The following HES7 variants were observed in gnomAD, a reference collection of about 807,000 sequenced individuals.
HES7 encodes the protein transcription factor HES-7.
In HES7, 8 loss-of-function variants were observed where a neutral mutation model predicts 18.0. The observed-to-expected ratio is 0.45, with a 90% CI of 0.26 to 0.80. HES7 has a LOEUF of 0.80. HES7 is among the 30% of genes least tolerant of loss of function. HES7 has a pLI of 0.18. For synonymous variants in HES7, 170 were observed against 158.6 expected (o/e 1.07, Z -0.54); for missense variants, 356 against 340.9 (o/e 1.04, Z -0.35).
rs776060105 is a variant in HES7 at position 8,124,027 on chromosome 17, C to G, written c.42+16G>C. ...CCAAACCAGGGACCTCTGCTCCCTC[C>G]CCTCCCGCCTCTCACCTTGGGGCCG... On this transcript the variant is annotated intron_variant, in intron 1 of 3. Transcript: ENST00000541682. 1 of 1,613,784 alleles carries G rather than the reference C, an allele frequency of 6.2e-7. No homozygotes were observed. The highest frequency in any genetic ancestry group is 8.5e-7 in the Non-Finnish European group (1 of 1,179,974).
rs1981312372 is a variant in HES7 at position 8,121,454 on chromosome 17, C to G, written c.*117G>C. 3 of 808,834 alleles carry G rather than the reference C, an allele frequency of 3.7e-6. No homozygotes were observed. Among genetic ancestry groups the G allele is most frequent in the African/African-American group, 3.6e-5 (2 of 55,798 alleles). The allele number at this position is 808,834 out of a possible 1,614,324, so 50.1% of individuals were successfully genotyped here. On this transcript the variant is annotated 3_prime_UTR_variant, in exon 4 of 4. Transcript: ENST00000541682. Reference sequence around the variant, plus strand: ...CCACATCTCACCCGCGCGCTGAGCCCGCGCGCCCCACTGCCCTCCCCAACA... The same window carrying G: ...CCACATCTCACCCGCGCGCTGAGCCGGCGCGCCCCACTGCCCTCCCCAACA...
chr17:8,123,262 C>G lies in HES7; in HGVS notation c.43-136G>C, dbSNP rs1455052592. The G allele has an allele frequency of 2.9e-6, 2 of 685,644 alleles. No homozygotes were observed. The highest frequency in any genetic ancestry group is 3.6e-5 in the African/African-American group (2 of 56,174). 42.5% of individuals were successfully genotyped at this position (685,644 alleles called of 1,614,324 possible). ...ACCCCAGATTGCCTAGGGCCGGCCC[C>G]ATTCGATCCCTCTCCGCTCCCCCTC... On this transcript the variant is annotated intron_variant, in intron 1 of 3. Transcript: ENST00000541682. The surrounding 1 kb of genome is among the most constrained non-coding windows in gnomAD (Gnocchi z 5.9).
In HES7 at chr17:8,123,199, C is replaced by T. The variant is rs1598232852; in HGVS notation, c.43-73G>A. On this transcript the variant is annotated intron_variant, in intron 1 of 3. Coordinates refer to ENST00000541682, the MANE Select transcript of HES7 (RefSeq NM_001165967.2). This position sits in a 1 kb window ranked among gnomAD's most constrained non-coding sequence, Gnocchi z 5.9. ...GTGCGGCCGCCCCGGCGTCGGATCC[C>T]GCCGCTGGGAGAGCCCGGCTTCCAC... 4 of 1,252,646 alleles carry T rather than the reference C, an allele frequency of 3.2e-6. No homozygotes were observed. The highest frequency in any genetic ancestry group is 4.5e-6 in the Non-Finnish European group (4 of 882,096). The allele number at this position is 1,252,646 out of a possible 1,614,324, so 77.6% of individuals were successfully genotyped here.
upstream of HES7, among the ~76,000 whole-genome samples, chr17:8,126,535 C>T (rs1981612467): frequency 6.6e-6 from 1 of 152,196 alleles, no homozygotes; most frequent in African/African-American, 2.4e-5. Context: ...TGCCACCTCC[C>T]CTCCCCGCCC....
rs1402362970 is a variant in HES7, at chr17:8,123,480, C to G, written c.43-354G>C. ...TCTGCGCGCACGCACGTGCGCCGCA[C>G]GGTGCCGGGCTCAGACCTGGCGGCC... On this transcript the variant is annotated intron_variant, in intron 1 of 3. Transcript: ENST00000541682. This position sits in a 1 kb window ranked among gnomAD's most constrained non-coding sequence, Gnocchi z 5.9. The G allele has an allele frequency of 1.6e-5, 6 of 387,094 alleles. No individual in the cohort carries two copies. The highest frequency in any genetic ancestry group is 2.4e-5 in the Non-Finnish European group (5 of 208,548). The allele number at this position is 387,094 out of a possible 1,614,324, so 24.0% of individuals were successfully genotyped here. A position where few individuals can be genotyped will look rare whatever the true frequency, so the allele number is the denominator to read the frequency against.
rs1981436452 is a variant in HES7 at position 8,122,999 on chromosome 17, C to T, written c.138+32G>A. The stretch of plus-strand genomic sequence containing the variant: ...AGCCCTGGGACGCGGAAACGGGAAG[C>T]TTGGGGACCTAGGGCTAGCGGAGGG... On this transcript the variant is annotated intron_variant, in intron 2 of 3. Coordinates refer to ENST00000541682, the MANE Select transcript of HES7 (RefSeq NM_001165967.2). This position sits in a 1 kb window ranked among gnomAD's most constrained non-coding sequence, Gnocchi z 6.9. 2.6e-6 allele frequency: 4 copies of T among 1,538,102 alleles called. No homozygotes were observed. Among genetic ancestry groups the T allele is most frequent in the Non-Finnish European group, 3.5e-6 (4 of 1,127,880 alleles).
chr17:8,121,558 C>G lies in HES7; in HGVS notation c.*13G>C. ...CCCCACCCCTAGACCCCGCCCCCAC[C>G]ACCCCCCAAGGCTCAGGGCCAAGGT... On this transcript the variant is annotated 3_prime_UTR_variant, in exon 4 of 4. Coordinates refer to ENST00000541682, the MANE Select transcript of HES7 (RefSeq NM_001165967.2). 3.9e-6 allele frequency: 5 copies of G among 1,295,540 alleles called. No homozygotes were observed. Among genetic ancestry groups the G allele is most frequent in the Non-Finnish European group, 4.9e-6 (5 of 1,027,970 alleles). The allele number at this position is 1,295,540 out of a possible 1,614,324, so 80.3% of individuals were successfully genotyped here. A position where few individuals can be genotyped will look rare whatever the true frequency, so the allele number is the denominator to read the frequency against.
chr17:8,124,146 C>G (rs1981506541), upstream of HES7: 3 of 1,608,856 alleles, frequency 1.9e-6, no homozygotes, highest in Non-Finnish European at 2.5e-6. Context: ...ATTCCGCGGC[C>G]CAAGGGTAGG....
upstream of HES7, among the ~76,000 whole-genome samples, chr17:8,124,537 G>A (rs577725122): frequency 6.2e-4 from 95 of 152,332 alleles, no homozygotes; most frequent in Non-Finnish European, 1.2e-3. Flanking sequence ...AGTCGAGACA[G>A]GGAGCAACCC....
upstream of HES7, chr17:8,124,225 C>A: frequency 2.0e-6 from 2 of 1,000,082 alleles, no homozygotes; most frequent in Non-Finnish European, 3.1e-6. Context: ...GCACGAGGCT[C>A]CCGGAAAGAG....
At position 8,122,642 on chromosome 17, in the gene HES7, T is replaced by A. The variant is rs906837401; in HGVS notation, c.139-212A>T. On this transcript the variant is annotated intron_variant, in intron 2 of 3. Coordinates refer to ENST00000541682, the MANE Select transcript of HES7 (RefSeq NM_001165967.2). This position sits in a 1 kb window ranked among gnomAD's most constrained non-coding sequence, Gnocchi z 6.9. Reference sequence around the variant, plus strand: ...AGACGAAACTGTCCAATCCTAGGGGTTGGAACCAATGCCCAACGCGTGAGG... The same window carrying A: ...AGACGAAACTGTCCAATCCTAGGGGATGGAACCAATGCCCAACGCGTGAGG... Among the ~76,000 whole-genome samples the A allele has an allele frequency of 1.3e-5, 2 of 149,212 alleles. No homozygotes were observed. Among genetic ancestry groups the A allele is most frequent in the Non-Finnish European group, 3.0e-5 (2 of 67,266 alleles).
upstream of HES7, among the ~76,000 whole-genome samples, chr17:8,125,675 C>T (rs1384129995): frequency 6.6e-6 from 1 of 152,152 alleles, no homozygotes; most frequent in Non-Finnish European, 1.5e-5. Flanking sequence ...CTGGCCTACA[C>T]CGTTGCCTGT....
In HES7 at chr17:8,122,178, G is replaced by A. The variant is rs1157192352; in HGVS notation, c.227-141C>T. 1.0e-6 allele frequency: 1 copy of A among 958,624 alleles called. No homozygotes were observed. The highest frequency in any genetic ancestry group is 1.5e-6 in the Non-Finnish European group (1 of 652,050). The allele number at this position is 958,624 out of a possible 1,614,324, so 59.4% of individuals were successfully genotyped here. A position where few individuals can be genotyped will look rare whatever the true frequency, so the allele number is the denominator to read the frequency against. The stretch of plus-strand genomic sequence containing the variant: ...TGGACGGAAAGAGGGAGAAAATGAG[G>A]GAGACACAGAGACAGACACGCGCGG... On this transcript the variant is annotated intron_variant, in intron 3 of 3. Transcript: ENST00000541682. The surrounding 1 kb of genome is among the most constrained non-coding windows in gnomAD (Gnocchi z 6.9).
In HES7 at chr17:8,122,004, A is replaced by C. The variant is rs1279814203; in HGVS notation, c.260T>G (p.Val87Gly). 3 of 1,527,356 alleles carry C rather than the reference A, an allele frequency of 2.0e-6. No individual in the cohort carries two copies. Among genetic ancestry groups the C allele is most frequent in the Admixed American group, 2.0e-5 (1 of 50,356 alleles). The allele number at this position is 1,527,356 out of a possible 1,614,324, so 94.6% of individuals were successfully genotyped here. ...GCTGGCGAGCGCCTCGGCGTCCTGG[A>C]CTGGGGACCGGGGAACCCCTGGAGC... The part of the protein sequence containing the change: ...AAAPGVPRSP[V>G]QDAEALASCY... The change falls in exon 4 of 4, where the codon GTC (valine) becomes GGC (glycine). Residue 87 changes from valine (V) to glycine (G), a missense_variant. By Grantham distance (109) the Val-to-Gly change is moderately radical (BLOSUM62 -3). Coordinates refer to ENST00000541682, the MANE Select transcript of HES7 (RefSeq NM_001165967.2). The surrounding 1 kb of genome is among the most constrained non-coding windows in gnomAD (Gnocchi z 6.9).
rs978268609 is a variant in HES7 at position 8,121,563 on chromosome 17, C to A, written c.*8G>T. 104 of 1,300,200 alleles carry A rather than the reference C, an allele frequency of 8.0e-5. No individual in the cohort carries two copies. Among genetic ancestry groups the A allele is most frequent in the Non-Finnish European group, 9.8e-5 (101 of 1,030,802 alleles). 80.5% of individuals were successfully genotyped at this position (1,300,200 alleles called of 1,614,324 possible). A position where few individuals can be genotyped will look rare whatever the true frequency, so the allele number is the denominator to read the frequency against. ...CCCCTAGACCCCGCCCCCACCACCC[C>A]CCAAGGCTCAGGGCCAAGGTCTCCA... On this transcript the variant is annotated 3_prime_UTR_variant, in exon 4 of 4. Coordinates refer to ENST00000541682, the MANE Select transcript of HES7 (RefSeq NM_001165967.2).
upstream of HES7, chr17:8,124,163 A>G: frequency 6.4e-7 from 1 of 1,566,360 alleles, no homozygotes; most frequent in Non-Finnish European, 8.8e-7. Flanking sequence ...TAGGAGGGAT[A>G]GGACCCGACC....
Position 8,122,309 on chromosome 17 carries a change from T to G in HES7, c.226+34A>C. On this transcript the variant is annotated intron_variant, in intron 3 of 3. Transcript: ENST00000541682. This position sits in a 1 kb window ranked among gnomAD's most constrained non-coding sequence, Gnocchi z 6.9. ...GGCCGGAGCCTCCTGGCGTCCCCCC[T>G]CCCTCCCTCCGCTGCCCCACCCCCG... 2.0e-4 allele frequency: 138 copies of G among 689,298 alleles called. No individual in the cohort carries two copies. The highest frequency in any genetic ancestry group is 3.0e-4 in the Non-Finnish European group (126 of 419,082). The allele number at this position is 689,298 out of a possible 1,614,324, so 42.7% of individuals were successfully genotyped here.
In HES7 at chr17:8,121,881, T is replaced by C. The variant is rs775485766; in HGVS notation, c.383A>G (p.His128Arg). Residue 128 changes from histidine to arginine, a missense_variant, in exon 4 of 4, where the codon CAC becomes CGC. His to Arg is a conservative substitution (Grantham distance 29, BLOSUM62 0). Transcript: ENST00000541682. ...GGGCGGTTTGGGGCGCAGATAGCCGTGCAGCGCGGAGAAGAGCTGGGCGCG... is the reference window on the plus strand; with the variant it reads ...GGGCGGTTTGGGGCGCAGATAGCCGCGCAGCGCGGAGAAGAGCTGGGCGCG... Reference protein sequence around the residue: ...AARAQLFSALHGYLRPKPPRP... With the variant: ...AARAQLFSALRGYLRPKPPRP... 1.9e-6 allele frequency: 3 copies of C among 1,572,426 alleles called. No homozygotes were observed. The highest frequency in any genetic ancestry group is 3.5e-5 in the Admixed American group (2 of 57,876).
In HES7 at chr17:8,122,542, C is replaced by T. The variant is rs2151854065; in HGVS notation, c.139-112G>A. 1.3e-6 allele frequency: 1 copy of T among 759,228 alleles called. No individual in the cohort carries two copies. Among genetic ancestry groups the T allele is most frequent in the Non-Finnish European group, 2.3e-6 (1 of 440,452 alleles). The allele number at this position is 759,228 out of a possible 1,614,324, so 47.0% of individuals were successfully genotyped here. A position where few individuals can be genotyped will look rare whatever the true frequency, so the allele number is the denominator to read the frequency against. On this transcript the variant is annotated intron_variant, in intron 2 of 3. Transcript: ENST00000541682. The surrounding 1 kb of genome is among the most constrained non-coding windows in gnomAD (Gnocchi z 6.9). ...CGGGAGCTGGTGGTGCCCCCGATCG[C>T]ATTTGCGCACTGCCCACAGAACGCG...
Sources: allele counts gnomAD v4.1 joint callset (sites outside exome capture counted in the v4.1 genomes callset), GRCh38; gene constraint gnomAD v4.1.1; non-coding constraint Gnocchi (gnomAD v3.1); transcripts MANE v1.5; gene names NCBI Gene and HGNC (gene_info 2026-07-23, HGNC 2026-07-21).